The following SCRT2 variants were observed in gnomAD, a reference collection of about 807,000 sequenced individuals.
SCRT2 encodes the protein transcriptional repressor scratch 2.
Under a neutral mutation model 3.7 loss-of-function variants are expected in SCRT2, and 2 were observed. The ratio of observed to expected loss-of-function variants is 0.54; its 90% CI spans 0.22 to 1.70. The LOEUF is 1.70. SCRT2 is among the 40% of genes most tolerant of loss of function. SCRT2 has a pLI of 0.19. For synonymous variants in SCRT2, 256 were observed against 220.6 expected (o/e 1.16, Z -1.42); for missense variants, 456 against 468.5 (o/e 0.97, Z 0.25).
At position 667,933 on chromosome 20, in the gene SCRT2, C is replaced by T. The variant is rs1178396738; in HGVS notation, c.134-3472G>A. ...TCTAAAGACCCTTTCTGCATCATGG[C>T]TGAATCAGTCCCTCCATGATGCTCT... On this transcript the variant is annotated intron_variant, in intron 1 of 1. Transcript: ENST00000246104. The surrounding 1 kb of genome is among the most constrained non-coding windows in gnomAD (Gnocchi z 4.4). 2.0e-5 allele frequency among the ~76,000 whole-genome samples: 3 copies of T among 152,284 alleles called. No homozygotes were observed. The highest frequency in any genetic ancestry group is 3.4e-3 in the Middle Eastern group (1 of 294).
In SCRT2 at chr20:664,156, C is replaced by T. The variant is rs1250800600; in HGVS notation, c.439G>A (p.Ala147Thr). ...TGCCGGTGCCCGCCGCCCGCCTGCG[C>T]CCCCGCGCGCCCCGCGCGCCCCCCG... ...GAGGRAGRAG[A>T]QAGGGHRHAC... Residue 147 changes from alanine to threonine, a missense_variant, in exon 2 of 2, where the codon GCG (alanine) becomes ACG (threonine). Transcript: ENST00000246104. The surrounding 1 kb of genome is among the most constrained non-coding windows in gnomAD (Gnocchi z 7.9). 4 of 1,158,516 alleles carry T rather than the reference C, an allele frequency of 3.5e-6. No individual in the cohort carries two copies. Among genetic ancestry groups the T allele is most frequent in the South Asian group, 4.2e-5 (1 of 24,044 alleles). 71.8% of individuals were successfully genotyped at this position (1,158,516 alleles called of 1,614,324 possible). A position where few individuals can be genotyped will look rare whatever the true frequency, so the allele number is the denominator to read the frequency against.
rs1984522347 is a variant in SCRT2, at chr20:675,757, C to T, written c.-156G>A. On this transcript the variant is annotated 5_prime_UTR_variant, in exon 1 of 2. Coordinates refer to ENST00000246104, the MANE Select transcript of SCRT2 (RefSeq NM_033129.4). The surrounding 1 kb of genome is among the most constrained non-coding windows in gnomAD (Gnocchi z 6.9). ...GGTGGCGGCGGCCCCGGCTCGGGCT[C>T]GGGCTTGGCGGCGGCGGCGCGCAGA... 2 of 313,134 alleles carry T rather than the reference C, an allele frequency of 6.4e-6. No individual in the cohort carries two copies. Among genetic ancestry groups the T allele is most frequent in the Non-Finnish European group, 1.0e-5 (2 of 196,202 alleles). The allele number at this position is 313,134 out of a possible 1,614,324, so 19.4% of individuals were successfully genotyped here. A position where few individuals can be genotyped will look rare whatever the true frequency, so the allele number is the denominator to read the frequency against.
chr20:672,388 CGTGTGTGTGTGTGTGT>C (rs6147265), intron 1 of SCRT2, among the ~76,000 whole-genome samples: 50 of 147,288 alleles, frequency 3.4e-4, no homozygotes, highest in African/African-American at 1.1e-3. Context: ...GAGCATTGCT[CGTGTGTGTGTGTGTGT>C]GTGTGTGTGT....
At chr20:669,479 A>G (rs1479818999) in intron 1 of SCRT2, among the ~76,000 whole-genome samples, 1 of 152,134 alleles carries the variant, frequency 6.6e-6, no homozygotes, top group Non-Finnish European at 1.5e-5. Context: ...CAAGGTGCCA[A>G]ACTTTCTCCA....
At chr20:668,769 A>AT (rs1427312768) in intron 1 of SCRT2, among the ~76,000 whole-genome samples, 7 of 152,204 alleles carry the variant, frequency 4.6e-5, no homozygotes, top group Non-Finnish European at 8.8e-5. Context: ...AGGAGTGGTG[A>AT]AAGGGAAATT....
Position 675,622 on chromosome 20 carries a change from C to A in SCRT2, c.-21G>T, listed in dbSNP as rs1032828076. 1.9e-5 allele frequency: 24 copies of A among 1,276,724 alleles called. No individual in the cohort carries two copies. Among genetic ancestry groups the A allele is most frequent in the Non-Finnish European group, 2.2e-5 (22 of 1,004,950 alleles). The allele number at this position is 1,276,724 out of a possible 1,614,324, so 79.1% of individuals were successfully genotyped here. On this transcript the variant is annotated 5_prime_UTR_variant, in exon 1 of 2. Coordinates refer to ENST00000246104, the MANE Select transcript of SCRT2 (RefSeq NM_033129.4). The surrounding 1 kb of genome is among the most constrained non-coding windows in gnomAD (Gnocchi z 6.9). ...GGCATGGCGCGGCCGGCGCGGGGCT[C>A]GGTGCGGGGAGGCGGCCGGCCGGGC...
Position 663,561 on chromosome 20 carries a change from G to A in SCRT2, c.*110C>T, listed in dbSNP as rs1984031278. 9.4e-7 allele frequency: 1 copy of A among 1,065,898 alleles called. No homozygotes were observed. The highest frequency in any genetic ancestry group is 1.2e-6 in the Non-Finnish European group (1 of 823,292). The allele number at this position is 1,065,898 out of a possible 1,614,324, so 66.0% of individuals were successfully genotyped here. On this transcript the variant is annotated 3_prime_UTR_variant, in exon 2 of 2. Coordinates refer to ENST00000246104, the MANE Select transcript of SCRT2 (RefSeq NM_033129.4). The surrounding 1 kb of genome is among the most constrained non-coding windows in gnomAD (Gnocchi z 6.9). ...CCGGGCCGGGGGTCCCCACGAGAGG[G>A]TCATGGGCAGGGAAACGCAGCCGGG...
Position 664,475 on chromosome 20 carries a change from G to A in SCRT2, c.134-14C>T, listed in dbSNP as rs772108349. The A allele has an allele frequency of 3.2e-6, 4 of 1,241,070 alleles. No individual in the cohort carries two copies. The highest frequency in any genetic ancestry group is 3.0e-6 in the Non-Finnish European group (3 of 988,684). The allele number at this position is 1,241,070 out of a possible 1,614,324, so 76.9% of individuals were successfully genotyped here. On this transcript the variant is annotated splice_polypyrimidine_tract_variant and intron_variant, in intron 1 of 1. Coordinates refer to ENST00000246104, the MANE Select transcript of SCRT2 (RefSeq NM_033129.4). The surrounding 1 kb of genome is among the most constrained non-coding windows in gnomAD (Gnocchi z 7.9). ...GCGGGGCGTACCCTGGAGGGGGCGA[G>A]AAGTGGAGGGGCGGTGAGAGGAGGC...
At position 663,503 on chromosome 20, in the gene SCRT2, G is replaced by A. The variant is rs1984028323; in HGVS notation, c.*168C>T. 9.5e-6 allele frequency: 5 copies of A among 527,124 alleles called. No homozygotes were observed. The highest frequency in any genetic ancestry group is 1.5e-5 in the Non-Finnish European group (5 of 342,092). The allele number at this position is 527,124 out of a possible 1,614,324, so 32.7% of individuals were successfully genotyped here. ...GGGGAAGACGGTGTGGAAGTGAGTC[G>A]TGGGTTTGGGGGTTGGGGAGAAAAG... On this transcript the variant is annotated 3_prime_UTR_variant, in exon 2 of 2. Coordinates refer to ENST00000246104, the MANE Select transcript of SCRT2 (RefSeq NM_033129.4). This position sits in a 1 kb window ranked among gnomAD's most constrained non-coding sequence, Gnocchi z 6.9.
Position 667,748 on chromosome 20 carries a change from A to G in SCRT2, c.134-3287T>C, listed in dbSNP as rs550096061. ...AGGATAGGAATTGTGAGCCCAGACC[A>G]GACACCCAGTCAGTGGATTTTGGCA... On this transcript the variant is annotated intron_variant, in intron 1 of 1. Transcript: ENST00000246104. The surrounding 1 kb of genome is among the most constrained non-coding windows in gnomAD (Gnocchi z 4.4). Among the ~76,000 whole-genome samples, 1 of 152,330 alleles carries G rather than the reference A, an allele frequency of 6.6e-6. No homozygotes were observed. The highest frequency in any genetic ancestry group is 2.4e-5 in the African/African-American group (1 of 41,578).
Position 663,881 on chromosome 20 carries a change from C to T in SCRT2, c.714G>A (p.Lys238=). 1 of 1,602,482 alleles carries T rather than the reference C, an allele frequency of 6.2e-7. No individual in the cohort carries two copies. The highest frequency in any genetic ancestry group is 8.5e-7 in the Non-Finnish European group (1 of 1,176,800). The change falls in exon 2 of 2, where the codon AAG becomes AAA. Residue 238 remains lysine, a synonymous_variant. Coordinates refer to ENST00000246104, the MANE Select transcript of SCRT2 (RefSeq NM_033129.4). The surrounding 1 kb of genome is among the most constrained non-coding windows in gnomAD (Gnocchi z 6.9). ...TGCCGCAGTGCGCGCAGCCGAACGGCTTTTCGCCGGTGTGCGAGCGCATGT... is the reference window on the plus strand; with the variant it reads ...TGCCGCAGTGCGCGCAGCCGAACGGTTTTTCGCCGGTGTGCGAGCGCATGT... ...QGHMRSHTGE[K]PFGCAHCGKA...
chr20:671,423 A>G lies in SCRT2; in HGVS notation c.133+4046T>C, dbSNP rs79091931. 5.5e-4 allele frequency among the ~76,000 whole-genome samples: 84 copies of G among 152,294 alleles called. 2 individuals carry two copies. In the East Asian group the frequency reaches 0.016, roughly 29 times the overall value. On this transcript the variant is annotated intron_variant, in intron 1 of 1. Coordinates refer to ENST00000246104, the MANE Select transcript of SCRT2 (RefSeq NM_033129.4). The stretch of plus-strand genomic sequence containing the variant: ...CTGGACCAAGGCCAAGTTACCAGGG[A>G]AAGGGGTGGTTAGAGAAGACTCAGA...
rs548921154 is a variant in SCRT2, at chr20:674,104, G to A, written c.133+1365C>T. On this transcript the variant is annotated intron_variant, in intron 1 of 1. Coordinates refer to ENST00000246104, the MANE Select transcript of SCRT2 (RefSeq NM_033129.4). ...GGTTTCTGTTAAGGGTCTGGGGGAT[G>A]CCAGTGGATGAGGGGCTGTAGCTGT... Among the ~76,000 whole-genome samples the A allele has an allele frequency of 4.6e-5, 7 of 152,262 alleles. No homozygotes were observed. In the South Asian group the frequency reaches 1.4e-3, roughly 32 times the overall value.
In SCRT2 at chr20:666,342, T is replaced by G. The variant is rs1984154579; in HGVS notation, c.134-1881A>C. On this transcript the variant is annotated intron_variant, in intron 1 of 1. Coordinates refer to ENST00000246104, the MANE Select transcript of SCRT2 (RefSeq NM_033129.4). This position sits in a 1 kb window ranked among gnomAD's most constrained non-coding sequence, Gnocchi z 4.4. ...TCAGGTCCCAGAACATTCAGGAGTG[T>G]TGTTTCAGACTGAGTTAAATACCCG... Among the ~76,000 whole-genome samples, 1 of 152,018 alleles carries G rather than the reference T, an allele frequency of 6.6e-6. No homozygotes were observed. Among genetic ancestry groups the G allele is most frequent in the Non-Finnish European group, 1.5e-5 (1 of 67,984 alleles).
In SCRT2 at chr20:665,405, T is replaced by C. The variant is rs966159269; in HGVS notation, c.134-944A>G. The stretch of plus-strand genomic sequence containing the variant: ...TAATAGGTGCTACAGAAAGGGGACT[T>C]CCTCGCACCTGCTCCCAAGCCTGCT... On this transcript the variant is annotated intron_variant, in intron 1 of 1. Transcript: ENST00000246104. This position sits in a 1 kb window ranked among gnomAD's most constrained non-coding sequence, Gnocchi z 5.0. Among the ~76,000 whole-genome samples, 1 of 152,164 alleles carries C rather than the reference T, an allele frequency of 6.6e-6. No individual in the cohort carries two copies. Among genetic ancestry groups the C allele is most frequent in the African/African-American group, 2.4e-5 (1 of 41,438 alleles).
Position 664,171 on chromosome 20 carries a change from CGCGCCCCCCG to C in SCRT2, c.414_423del (p.Gly139ArgfsTer29), listed in dbSNP as rs1024699210. The C allele has an allele frequency of 3.5e-5, 37 of 1,061,322 alleles. No individual in the cohort carries two copies. The highest frequency in any genetic ancestry group is 1.1e-4 in the Admixed American group (2 of 18,100). The allele number at this position is 1,061,322 out of a possible 1,614,324, so 65.7% of individuals were successfully genotyped here. A position where few individuals can be genotyped will look rare whatever the true frequency, so the allele number is the denominator to read the frequency against. ...CCCGCCTGCGCCCCCGCGCGCCCCG[CGCGCCCCCCG>C]GCGCCCCCCGCGTCTCCCGAGCCCC... On this transcript the variant is annotated frameshift_variant, in exon 2 of 2. Coordinates refer to ENST00000246104, the MANE Select transcript of SCRT2 (RefSeq NM_033129.4). LOFTEE classifies it low-confidence loss of function (END_TRUNC). This position sits in a 1 kb window ranked among gnomAD's most constrained non-coding sequence, Gnocchi z 7.9.
Position 663,771 on chromosome 20 carries a change from T to C in SCRT2, c.824A>G (p.Lys275Arg), listed in dbSNP as rs760191714. 6.9e-6 allele frequency: 11 copies of C among 1,587,624 alleles called. No individual in the cohort carries two copies. The South Asian group carries it at 1.1e-4, about 16-fold the overall frequency. ...FKHYRCRQCD[K>R]SFALKSYLHK... ...GAGGTAGGACTTGAGCGCGAAGCTCTTGTCGCACTGGCGGCAGCGGTAGTG... is the reference window on the plus strand; with the variant it reads ...GAGGTAGGACTTGAGCGCGAAGCTCCTGTCGCACTGGCGGCAGCGGTAGTG... The change falls in exon 2 of 2, where the codon AAG (lysine) becomes AGG (arginine). Residue 275 changes from lysine (K) to arginine (R), a missense_variant. Physicochemically the swap from Lys to Arg is conservative, Grantham distance 26. Coordinates refer to ENST00000246104, the MANE Select transcript of SCRT2 (RefSeq NM_033129.4). The surrounding 1 kb of genome is among the most constrained non-coding windows in gnomAD (Gnocchi z 6.9).
Position 664,064 on chromosome 20 carries a change from G to A in SCRT2, c.531C>T (p.His177=). 1 of 1,611,532 alleles carries A rather than the reference G, an allele frequency of 6.2e-7. No homozygotes were observed. Among genetic ancestry groups the A allele is most frequent in the East Asian group, 2.2e-5 (1 of 44,830 alleles). ...SSNLSRHKQT[H]RSLDSQLARK... The stretch of plus-strand genomic sequence containing the variant: ...GCGCCAGCTGGCTGTCCAGGCTGCG[G>A]TGCGTCTGCTTGTGGCGGCTCAGGT... The change falls in exon 2 of 2, where the codon CAC becomes CAT. Residue 177 remains histidine, a synonymous_variant. Transcript: ENST00000246104. This position sits in a 1 kb window ranked among gnomAD's most constrained non-coding sequence, Gnocchi z 7.9.
Position 669,980 on chromosome 20 carries a change from C to T in SCRT2, c.133+5489G>A, listed in dbSNP as rs373630817. Reference sequence around the variant, plus strand: ...ATGACCAACGCTGCATGGCTTGGGGCTGATGCCCACTGACCCAGGCCCAAG... The same window carrying T: ...ATGACCAACGCTGCATGGCTTGGGGTTGATGCCCACTGACCCAGGCCCAAG... On this transcript the variant is annotated intron_variant, in intron 1 of 1. Coordinates refer to ENST00000246104, the MANE Select transcript of SCRT2 (RefSeq NM_033129.4). 1.6e-4 allele frequency among the ~76,000 whole-genome samples: 25 copies of T among 152,284 alleles called. 1 individual carries two copies. The South Asian group carries it at 5.2e-3, about 32-fold the overall frequency.
Sources: allele counts gnomAD v4.1 joint callset (sites outside exome capture counted in the v4.1 genomes callset), GRCh38; gene constraint gnomAD v4.1.1; non-coding constraint Gnocchi (gnomAD v3.1); transcripts MANE v1.5; gene names NCBI Gene and HGNC (gene_info 2026-07-23, HGNC 2026-07-21).